The following DCAF8L2 variants were observed in gnomAD, a reference collection of about 807,000 sequenced individuals.
DCAF8L2 encodes DDB1 and CUL4 associated factor 8 like 2, also known as DDB1- and CUL4-associated factor 8-like protein 2.
For synonymous variants in DCAF8L2, 200 were observed against 190.9 expected (o/e 1.05, Z -0.39); for missense variants, 430 against 490.7 (o/e 0.88, Z 1.17).
At chrX:27,730,117 C>T (rs1416308110) in intron 4 of DCAF8L2, among the ~76,000 whole-genome samples, 1 of 111,689 alleles carries the variant, frequency 9.0e-6, no homozygotes, top group Non-Finnish European at 1.9e-5. Flanking sequence ...AATGACCCAC[C>T]CTTCCCATGA....
At chrX:27,635,796 T>C (rs1459452796) in intron 2 of DCAF8L2, among the ~76,000 whole-genome samples, 1 of 65,602 alleles carries the variant, frequency 1.5e-5, no homozygotes, top group Non-Finnish European at 3.9e-5. Context: ...CGTGTGTGTG[T>C]GTGTGTGTGT....
At chrX:27,703,982 A>C (rs1274014522) in intron 3 of DCAF8L2, among the ~76,000 whole-genome samples, 2 of 107,903 alleles carry the variant, frequency 1.9e-5, no homozygotes, top group African/African-American at 6.9e-5. Flanking sequence ...AATATTAGCA[A>C]ATCATATAGT....
upstream of DCAF8L2, among the ~76,000 whole-genome samples, chrX:27,587,985 AATATAT>A (rs202098791): frequency 4.2e-3 from 94 of 22,342 alleles, no homozygotes; most frequent in East Asian, 0.024. Flanking sequence ...TAAAAAAAAA[AATATAT>A]ATATATATAT....
chrX:27,511,117 C>T, the DCAF8L2 span, among the ~76,000 whole-genome samples: 1 of 110,919 alleles, frequency 9.0e-6, no homozygotes, highest in African/African-American at 3.3e-5. Flanking sequence ...GTACAAGTTT[C>T]TGCTTGTGTC....
chrX:27,666,869 C>T (rs1011189196), intron 2 of DCAF8L2, among the ~76,000 whole-genome samples: 5 of 111,894 alleles, frequency 4.5e-5, no homozygotes, highest in African/African-American at 1.6e-4. Context: ...TAAAGGGGCT[C>T]ATTTGTTTCC....
the DCAF8L2 span, among the ~76,000 whole-genome samples, chrX:27,502,317 T>TA: frequency 6.9e-3 from 96 of 13,988 alleles, 6 homozygotes; most frequent in Non-Finnish European, 9.4e-3. Flanking sequence ...TGAAACTCTG[T>TA]AAAAAAAAAA....
At chrX:27,477,479 G>T in the DCAF8L2 span, among the ~76,000 whole-genome samples, 1 of 110,874 alleles carries the variant, frequency 9.0e-6, no homozygotes, top group African/African-American at 3.3e-5. Context: ...AGTAGAGACG[G>T]GGTTTCATCG....
At chrX:27,635,742 T>G (rs1436964128) in intron 2 of DCAF8L2, among the ~76,000 whole-genome samples, 1 of 110,453 alleles carries the variant, frequency 9.1e-6, no homozygotes. Flanking sequence ...TTAATATTTT[T>G]GGGCAATAGT....
At chrX:27,695,740 T>G (rs970177547) in intron 3 of DCAF8L2, among the ~76,000 whole-genome samples, 1 of 111,762 alleles carries the variant, frequency 8.9e-6, no homozygotes, top group African/African-American at 3.3e-5. Context: ...TTAATGCCTA[T>G]AGATATGAAT....
chrX:27,688,022 T>A (rs1930573913), intron 3 of DCAF8L2, among the ~76,000 whole-genome samples: 1 of 111,785 alleles, frequency 8.9e-6, no homozygotes, highest in South Asian at 3.7e-4. Flanking sequence ...CTAAATAAAG[T>A]TTTTGCCTCT....
intron 2 of DCAF8L2, among the ~76,000 whole-genome samples, chrX:27,655,567 T>C (rs1222819744): frequency 1.8e-5 from 2 of 112,391 alleles, no homozygotes; most frequent in Non-Finnish European, 3.8e-5. Context: ...TCCTCTGGAA[T>C]ACACAATTCA....
intron 1 of DCAF8L2, among the ~76,000 whole-genome samples, chrX:27,597,789 A>G (rs751673783): frequency 8.9e-6 from 1 of 112,550 alleles, no homozygotes; most frequent in Non-Finnish European, 1.9e-5. Context: ...GTTGCTATGA[A>G]TAAGAATGAC....
the DCAF8L2 span, among the ~76,000 whole-genome samples, chrX:27,538,173 T>A: frequency 9.0e-6 from 1 of 111,196 alleles, no homozygotes. Flanking sequence ...ATATTATTTG[T>A]ATGCAAATTT....
rs1363768259 is a variant in DCAF8L2 at position 27,747,986 on chromosome X, A to T, written c.1091A>T (p.Asp364Val). ...AAAGTTGTGGTAACAAGAGAAAATG[A>T]TAAGAAAGTGGGACTGTATACAATT... ...ASKVVVTRENDKKVGLYTITV... is the reference protein window; with the variant it reads ...ASKVVVTRENVKKVGLYTITV... The change falls in exon 5 of 5, where the codon GAT becomes GTT. Residue 364 changes from aspartate (D) to valine (V), a missense_variant. Transcript: ENST00000451261. The T allele has an allele frequency of 4.1e-6, 5 of 1,210,240 alleles. No individual in the cohort carries two copies. The African/African-American group carries it at 8.7e-5, about 21-fold the overall frequency.
chrX:27,696,268 G>A (rs780976505), intron 3 of DCAF8L2, among the ~76,000 whole-genome samples: 1 of 74,854 alleles, frequency 1.3e-5, no homozygotes, highest in East Asian at 4.4e-4. Context: ...AAGAGAGAGA[G>A]AGAAAGAAAG....
intron 2 of DCAF8L2, among the ~76,000 whole-genome samples, chrX:27,642,097 G>GT (rs748804797): frequency 1.5e-4 from 16 of 107,888 alleles, no homozygotes; most frequent in African/African-American, 3.7e-4. Context: ...GTTTCACCAT[G>GT]TTAGCCAGGA....
At chrX:27,487,576 C>T in the DCAF8L2 span, among the ~76,000 whole-genome samples, 1 of 112,017 alleles carries the variant, frequency 8.9e-6, no homozygotes, top group Non-Finnish European at 1.9e-5. Flanking sequence ...AGCTACTGCG[C>T]CCGGCCTTGA....
intron 1 of DCAF8L2, among the ~76,000 whole-genome samples, chrX:27,616,834 C>A (rs1168979063): frequency 9.0e-6 from 1 of 110,977 alleles, no homozygotes; most frequent in African/African-American, 3.3e-5. Context: ...TCTTGTTGCC[C>A]AGAAAGTAGA....
the DCAF8L2 span, among the ~76,000 whole-genome samples, chrX:27,549,853 A>G: frequency 9.0e-6 from 1 of 111,370 alleles, no homozygotes; most frequent in East Asian, 2.8e-4. Flanking sequence ...CCTTAACCAA[A>G]GAAAGCTGCC....
Sources: gnomAD v4.1 joint callset for allele counts (sites outside exome capture counted in the v4.1 genomes callset) on GRCh38, gnomAD v4.1.1 for gene constraint, MANE v1.5 for transcripts, NCBI Gene and HGNC (gene_info 2026-07-23, HGNC 2026-07-21) for gene names.